BABAM2: variants seen among roughly 807,000 people sequenced by gnomAD.
BABAM2 encodes the protein BRISC and BRCA1-A complex member 2.
In BABAM2, 31 loss-of-function variants were observed where a neutral mutation model predicts 54.7. The observed-to-expected ratio is 0.57, with a 90% CI of 0.43 to 0.77. The LOEUF is 0.77. Ranked by LOEUF, BABAM2 falls within the 30% of genes least tolerant of loss-of-function variation. The pLI, the probability that BABAM2 is intolerant of heterozygous loss-of-function variation, is 0.00. For missense variants in BABAM2, 364 were observed against 455.8 expected (o/e 0.80, Z 1.83); for synonymous variants, 167 against 162.9 (o/e 1.03, Z -0.19).
At chr2:28,199,501 G>A (rs1289757056) in intron 7 of BABAM2, among the ~76,000 whole-genome samples, 1 of 152,108 alleles carries the variant, frequency 6.6e-6, no homozygotes, top group Non-Finnish European at 1.5e-5. Context: ...CAAATACTAA[G>A]CACTCAAATT....
intron 7 of BABAM2, among the ~76,000 whole-genome samples, chr2:28,229,572 G>A (rs1408665577): frequency 7.2e-6 from 1 of 138,994 alleles, no homozygotes; most frequent in Admixed American, 7.9e-5. Context: ...CCATATAGTA[G>A]TATGCCTTCT....
chr2:27,963,623 A>C (rs1670635668), intron 3 of BABAM2, among the ~76,000 whole-genome samples: 2 of 152,204 alleles, frequency 1.3e-5, no homozygotes, highest in Admixed American at 1.3e-4. Flanking sequence ...ACTAGTCTTA[A>C]CGGTTTTTTA....
intron 10 of BABAM2, among the ~76,000 whole-genome samples, chr2:28,246,481 T>G (rs1682927547): frequency 6.6e-6 from 1 of 152,184 alleles, no homozygotes; most frequent in South Asian, 2.1e-4. Context: ...GGTGTGATTA[T>G]CCTAACCCAG....
chr2:28,326,020 G>T (rs958744238), intron 11 of BABAM2, among the ~76,000 whole-genome samples: 50 of 152,322 alleles, frequency 3.3e-4, no homozygotes, highest in African/African-American at 1.2e-3. Flanking sequence ...ACCATGCTGC[G>T]CACAAACCTC....
At chr2:27,977,692 G>T (rs1313124707) in intron 3 of BABAM2, among the ~76,000 whole-genome samples, 3 of 152,102 alleles carry the variant, frequency 2.0e-5, no homozygotes, top group African/African-American at 4.8e-5. Flanking sequence ...CTTGAGATCT[G>T]GGTGTTATCC....
chr2:28,286,091 G>A (rs1686779583), intron 10 of BABAM2, among the ~76,000 whole-genome samples: 3 of 151,822 alleles, frequency 2.0e-5, no homozygotes, highest in Admixed American at 6.6e-5. Context: ...GAGTAGCTGG[G>A]ATTACAGGCA....
At chr2:28,106,068 G>C (rs1042006715) in intron 6 of BABAM2, among the ~76,000 whole-genome samples, 2 of 151,686 alleles carry the variant, frequency 1.3e-5, no homozygotes, top group African/African-American at 4.8e-5. Context: ...TAAGTTGCTG[G>C]TGTGATGGCC....
intron 10 of BABAM2, among the ~76,000 whole-genome samples, chr2:28,292,330 T>C (rs1687350104): frequency 6.6e-6 from 1 of 152,182 alleles, no homozygotes; most frequent in South Asian, 2.1e-4. Context: ...TCCAGACAAC[T>C]AAAATTTTCC....
At chr2:28,049,409 T>C (rs1172673490) in intron 6 of BABAM2, among the ~76,000 whole-genome samples, 5 of 152,178 alleles carry the variant, frequency 3.3e-5, no homozygotes, top group African/African-American at 9.7e-5. Context: ...TGTTGGAGTA[T>C]CTCTAAACTA....
At chr2:27,890,146 C>T (rs967930469), upstream of BABAM2, 14 of 946,858 alleles carry the variant, frequency 1.5e-5, no homozygotes, top group African/African-American at 2.1e-4. The surrounding 1 kb of genome is among the most constrained non-coding windows in gnomAD (Gnocchi z 4.8). Flanking sequence ...ATACCCAAAG[C>T]TAGCACTGTC....
At chr2:27,998,670 G>A (rs150362263) in intron 4 of BABAM2, among the ~76,000 whole-genome samples, 1 of 152,128 alleles carries the variant, frequency 6.6e-6, no homozygotes, top group East Asian at 1.9e-4. Context: ...AGTTCCACTT[G>A]AATCTAAATG....
chr2:27,916,563 C>T (rs1666983434), intron 2 of BABAM2, among the ~76,000 whole-genome samples: 1 of 152,240 alleles, frequency 6.6e-6, no homozygotes, highest in South Asian at 2.1e-4. Context: ...CTTTCAGGTA[C>T]TTCCTGTGTG....
chr2:28,139,070 T>TG (rs998101973), intron 7 of BABAM2, among the ~76,000 whole-genome samples: 1 of 152,042 alleles, frequency 6.6e-6, no homozygotes, highest in African/African-American at 2.4e-5. Flanking sequence ...CCATAGGTAG[T>TG]GGGACCAGGG....
intron 6 of BABAM2, 134 bp downstream of exon 6, chr2:28,045,933 A>T: frequency 1.4e-6 from 1 of 702,314 alleles, no homozygotes; most frequent in East Asian, 2.9e-5. Flanking sequence ...TCTTACATGA[A>T]GTTCCATTGA....
chr2:28,050,551 C>G (rs1677922174), intron 6 of BABAM2, among the ~76,000 whole-genome samples: 1 of 152,056 alleles, frequency 6.6e-6, no homozygotes, highest in African/African-American at 2.4e-5. Flanking sequence ...GTGCAGAACA[C>G]CTAAGTACTG....
At chr2:28,174,004 A>C (rs775671981) in intron 7 of BABAM2, among the ~76,000 whole-genome samples, 3 of 152,220 alleles carry the variant, frequency 2.0e-5, no homozygotes, top group African/African-American at 7.2e-5. Flanking sequence ...CTAAATATAC[A>C]GGTATTCAGG....
chr2:27,969,687 A>AG (rs773821644), intron 3 of BABAM2, among the ~76,000 whole-genome samples: 3 of 151,828 alleles, frequency 2.0e-5, no homozygotes, highest in African/African-American at 4.8e-5. Context: ...GGGGCTCGGG[A>AG]CGGGGGAGGA....
chr2:28,152,449 C>G (rs1166858362), intron 7 of BABAM2, among the ~76,000 whole-genome samples: 1 of 152,206 alleles, frequency 6.6e-6, no homozygotes, highest in Non-Finnish European at 1.5e-5. Flanking sequence ...CCAAGTCTAA[C>G]CTCCGCCTTT....
At chr2:28,245,687 T>G (rs1348350501) in intron 10 of BABAM2, among the ~76,000 whole-genome samples, 1 of 152,192 alleles carries the variant, frequency 6.6e-6, no homozygotes, top group Admixed American at 6.5e-5. Flanking sequence ...GAGCCAACTT[T>G]CCCAGCTTGA....
Sources: allele counts gnomAD v4.1 joint callset (sites outside exome capture counted in the v4.1 genomes callset), GRCh38; gene constraint gnomAD v4.1.1; non-coding constraint Gnocchi (gnomAD v3.1); transcripts MANE v1.5; gene names NCBI Gene and HGNC (gene_info 2026-07-23, HGNC 2026-07-21).